Variants in ASPH observed in about 807,000 individuals in gnomAD.
ASPH encodes the protein aspartyl/asparaginyl beta-hydroxylase.
A neutral mutation model predicts 118.4 loss-of-function variants in ASPH; 100 were observed. The ratio of observed to expected loss-of-function variants is 0.84; its 90% CI spans 0.72 to 1.00. ASPH has a LOEUF of 1.00. ASPH is among the 50% of genes least tolerant of loss of function. The pLI is 0.00. For missense variants in ASPH, 920 were observed against 919.5 expected (o/e 1.00, Z -0.01); for synonymous variants, 315 against 325.6 (o/e 0.97, Z 0.35).
intron 6 of ASPH, among the ~76,000 whole-genome samples, chr8:61,645,260 AG>A (rs1329566848): frequency 1.3e-5 from 2 of 152,220 alleles, no homozygotes; most frequent in African/African-American, 2.4e-5. Flanking sequence ...AGATGAGATC[AG>A]AAAGTAAGGT....
chr8:61,523,396 A>T (rs1397042242), intron 22 of ASPH, among the ~76,000 whole-genome samples: 1 of 149,262 alleles, frequency 6.7e-6, no homozygotes, highest in Admixed American at 6.8e-5. Context: ...GCTCACTGCA[A>T]TCTCTGCCTC....
chr8:61,551,749 T>C lies in ASPH; in HGVS notation c.1626+1282A>G, dbSNP rs188900534. ...GTCAGACATGAACATTTATCCAGTG[T>C]TAGATGTTGTAGCAAAATCTTTCTT... On this transcript the variant is annotated intron_variant, in intron 20 of 24. Coordinates refer to ENST00000379454, the MANE Select transcript of ASPH (RefSeq NM_004318.4). 5.9e-5 allele frequency among the ~76,000 whole-genome samples: 9 copies of C among 152,354 alleles called. No individual in the cohort carries two copies. In the East Asian group the frequency reaches 1.7e-3, roughly 29 times the overall value.
rs557119592 is a variant in ASPH, at chr8:61,596,545, C to T, written c.977-12516G>A. Among the ~76,000 whole-genome samples, 196 of 152,360 alleles carry T rather than the reference C, an allele frequency of 1.3e-3. 1 individual carries two copies. In the Middle Eastern group the frequency reaches 0.014, roughly 11 times the overall value. On this transcript the variant is annotated intron_variant, in intron 14 of 24. Coordinates refer to ENST00000379454, the MANE Select transcript of ASPH (RefSeq NM_004318.4). Reference sequence around the variant, plus strand: ...ACGGGCATGCCCAAGGACCAGCCCACCTGGCATCCCAGTCCCCAGCAGAGC... The same window carrying T: ...ACGGGCATGCCCAAGGACCAGCCCATCTGGCATCCCAGTCCCCAGCAGAGC...
chr8:61,661,337 G>A (rs1188141068), intron 3 of ASPH: 1 of 152,212 alleles, frequency 6.6e-6, no homozygotes, highest in African/African-American at 2.4e-5. Context: ...TTCTACCAAT[G>A]ATAAAGGGAA....
intron 3 of ASPH, chr8:61,660,979 G>A (rs1003170090): frequency 6.6e-6 from 1 of 152,072 alleles, no homozygotes; most frequent in Non-Finnish European, 1.5e-5. Context: ...TAGGCTTCTC[G>A]ATTGTACCAT....
At chr8:61,607,006 G>C (rs951381766) in intron 14 of ASPH, 3 of 384,178 alleles carry the variant, frequency 7.8e-6, no homozygotes, top group African/African-American at 6.3e-5. Context: ...GCTCCATGAA[G>C]ACTCCAGTTG....
chr8:61,706,457 GGAGGAA>G (rs986554116), intron 1 of ASPH, among the ~76,000 whole-genome samples: 4 of 126,946 alleles, frequency 3.2e-5, no homozygotes, highest in Non-Finnish European at 6.7e-5. Flanking sequence ...AGAAGAAGAA[GGAGGAA>G]GAGGAAGAAG....
intron 13 of ASPH, among the ~76,000 whole-genome samples, chr8:61,631,391 A>T (rs7822988): frequency 0.18 from 27,950 of 151,984 alleles, 2,717 homozygotes; most frequent in South Asian, 0.35. Context: ...TTTTTATTTA[A>T]TTTTCTATAC....
intron 3 of ASPH, among the ~76,000 whole-genome samples, chr8:61,672,744 A>G (rs1823252056): frequency 6.6e-6 from 1 of 152,224 alleles, no homozygotes; most frequent in Non-Finnish European, 1.5e-5. Flanking sequence ...TCATCTCAAC[A>G]AATAACAAAG....
chr8:61,553,957 G>A (rs1423470302), intron 19 of ASPH, among the ~76,000 whole-genome samples: 2 of 152,196 alleles, frequency 1.3e-5, no homozygotes, highest in Admixed American at 1.3e-4. Context: ...CAAGCTGCAC[G>A]ATAGAATGGG....
chr8:61,626,380 G>A, intron 13 of ASPH: 1 of 1,298,836 alleles, frequency 7.7e-7, no homozygotes, highest in Non-Finnish European at 9.9e-7. Flanking sequence ...CACCAACAAA[G>A]TAATTTTTTT....
At chr8:61,586,219 G>A (rs1198570184) in intron 14 of ASPH, among the ~76,000 whole-genome samples, 1 of 152,064 alleles carries the variant, frequency 6.6e-6, no homozygotes, top group African/African-American at 2.4e-5. Context: ...TGCTCCTTGG[G>A]ATGTTATATT....
At position 61,659,431 on chromosome 8, in the gene ASPH, G is replaced by A. The variant is rs1815567369; in HGVS notation, c.323-5771C>T. 3 of 152,138 alleles carry A rather than the reference G, an allele frequency of 2.0e-5. No individual in the cohort carries two copies. In the South Asian group the frequency reaches 6.2e-4, roughly 32 times the overall value. The allele number at this position is 152,138 out of a possible 1,614,324, so 9.4% of individuals were successfully genotyped here. ...AGTGATACATAAGGCAAAGAAGATG[G>A]AAATGAGAGGCAGACTTCTATGATG... On this transcript the variant is annotated intron_variant, in intron 3 of 24. Coordinates refer to ENST00000379454, the MANE Select transcript of ASPH (RefSeq NM_004318.4).
At chr8:61,712,168 T>C (rs796133453) in intron 1 of ASPH, among the ~76,000 whole-genome samples, 9 of 152,328 alleles carry the variant, frequency 5.9e-5, no homozygotes, top group East Asian at 1.9e-4. Context: ...GGAAACTAAA[T>C]GGGTCTCACA....
intron 21 of ASPH, among the ~76,000 whole-genome samples, chr8:61,545,792 A>G (rs1235080080): frequency 6.6e-6 from 1 of 152,188 alleles, no homozygotes; most frequent in Non-Finnish European, 1.5e-5. Flanking sequence ...TTTAGAGGAA[A>G]CTAATCCTTT....
chr8:61,692,641 T>G lies in ASPH; in HGVS notation c.104-8453A>C, dbSNP rs144751417. Among the ~76,000 whole-genome samples the G allele has an allele frequency of 2.0e-3, 298 of 152,270 alleles. 1 individual carries two copies. Among genetic ancestry groups the G allele is most frequent in the African/African-American group, 6.6e-3 (274 of 41,542 alleles). ...CTTCTCATGAGTCAGCACTGAATACTTCCTTCCCCTCACCCCGGATCAGCT... is the reference window on the plus strand; with the variant it reads ...CTTCTCATGAGTCAGCACTGAATACGTCCTTCCCCTCACCCCGGATCAGCT... On this transcript the variant is annotated intron_variant, in intron 1 of 24. Coordinates refer to ENST00000379454, the MANE Select transcript of ASPH (RefSeq NM_004318.4).
At chr8:61,584,790 T>TG (rs1838830105) in intron 14 of ASPH, among the ~76,000 whole-genome samples, 1 of 152,084 alleles carries the variant, frequency 6.6e-6, no homozygotes, top group African/African-American at 2.4e-5. Context: ...GTTATAGGCA[T>TG]GAGCCACTGT....
chr8:61,681,863 C>T (rs147382311), intron 2 of ASPH, among the ~76,000 whole-genome samples: 160 of 151,990 alleles, frequency 1.1e-3, no homozygotes, highest in African/African-American at 3.5e-3. Context: ...ATATATTCAA[C>T]TCCCTAAAAA....
chr8:61,558,817 T>C (rs960932912), intron 18 of ASPH, among the ~76,000 whole-genome samples: 1 of 152,200 alleles, frequency 6.6e-6, no homozygotes, highest in Non-Finnish European at 1.5e-5. Context: ...AAAACCCAGA[T>C]TGAGGCTACA....
Sources: allele counts gnomAD v4.1 joint callset (sites outside exome capture counted in the v4.1 genomes callset), GRCh38; gene constraint gnomAD v4.1.1; transcripts MANE v1.5; gene names NCBI Gene and HGNC (gene_info 2026-07-23, HGNC 2026-07-21).